Variants in TMPRSS4 observed in about 807,000 individuals in gnomAD.
TMPRSS4 encodes the protein transmembrane protease serine 4.
In TMPRSS4, 45 loss-of-function variants were observed where a neutral mutation model predicts 56.4. The ratio of observed to expected loss-of-function variants is 0.80; its 90% CI spans 0.63 to 1.02. The LOEUF (loss-of-function observed/expected upper bound fraction) is 1.02. Ranked by LOEUF, TMPRSS4 falls within the 50% of genes least tolerant of loss-of-function variation. The pLI is 0.00. For synonymous variants in TMPRSS4, 205 were observed against 211.0 expected, an observed-to-expected ratio of 0.97 and a Z score of 0.25; for missense variants, 546 against 556.7, an observed-to-expected ratio of 0.98 and a Z score of 0.19.
intron 1 of TMPRSS4, among the ~76,000 whole-genome samples, chr11:118,082,283 G>A (rs1297001599): frequency 1.3e-5 from 2 of 152,116 alleles, no homozygotes; most frequent in East Asian, 3.8e-4. Context: ...AGGCTCAGCC[G>A]GGTGTGGTGG....
Position 118,119,417 on chromosome 11 carries a change from T to C in TMPRSS4, c.*1504T>C. The C allele has an allele frequency of 1.1e-6, 1 of 933,624 alleles. No homozygotes were observed. Among genetic ancestry groups the C allele is most frequent in the Non-Finnish European group, 1.3e-6 (1 of 782,964 alleles). 57.8% of individuals were successfully genotyped at this position (933,624 alleles called of 1,614,324 possible). ...AGGATTCCCAAAGATCCTCCAAATA[T>C]GAGCTCACAATCAAAGATCAGAGAC... On this transcript the variant is annotated 3_prime_UTR_variant, in exon 13 of 13. Transcript: ENST00000437212.
At chr11:118,090,839 C>A (rs1162220214) in intron 1 of TMPRSS4, among the ~76,000 whole-genome samples, 1 of 151,908 alleles carries the variant, frequency 6.6e-6, no homozygotes, top group Non-Finnish European at 1.5e-5. Context: ...CACACACACA[C>A]ACACACACAA....
At position 118,120,674 on chromosome 11, in the gene TMPRSS4, G is replaced by C. The variant is rs1274160570; in HGVS notation, c.*2761G>C. 1.3e-5 allele frequency: 2 copies of C among 152,130 alleles called. No individual in the cohort carries two copies. The highest frequency in any genetic ancestry group is 2.9e-5 in the Non-Finnish European group (2 of 68,036). The allele number at this position is 152,130 out of a possible 1,614,324, so 9.4% of individuals were successfully genotyped here. A position where few individuals can be genotyped will look rare whatever the true frequency, so the allele number is the denominator to read the frequency against. On this transcript the variant is annotated 3_prime_UTR_variant, in exon 13 of 13. Coordinates refer to ENST00000437212, the MANE Select transcript of TMPRSS4 (RefSeq NM_019894.4). ...GGAAGATAAATTGAAGAAGTGACTA[G>C]GCTTAACAGCAGAGAGAGATAAGGA...
Position 118,107,796 on chromosome 11 carries a change from G to A in TMPRSS4, c.463G>A (p.Glu155Lys). 1.2e-6 allele frequency: 2 copies of A among 1,614,136 alleles called. No homozygotes were observed. The highest frequency in any genetic ancestry group is 1.3e-5 in the African/African-American group (1 of 75,046). The change falls in exon 6 of 13, where the codon GAG becomes AAG. Residue 155 changes from glutamate (E) to lysine (K), a missense_variant. Glu to Lys is a moderately conservative substitution (Grantham distance 56). Transcript: ENST00000437212. ...YSSKPTFRAV[E>K]IGPDQDLDVV... ...CAGCAAACCCACTTTCAGAGCTGTG[G>A]AGATTGGCCCAGACCAGGATCTGGA...
intron 3 of TMPRSS4, 127 bp from the exon 4 acceptor site, chr11:118,102,974 C>G: frequency 7.6e-7 from 1 of 1,323,292 alleles, no homozygotes; most frequent in Non-Finnish European, 1.0e-6. Context: ...TACCAAGTAG[C>G]AAAACTGAGC....
intron 7 of TMPRSS4, among the ~76,000 whole-genome samples, chr11:118,109,522 T>C (rs572487864): frequency 6.6e-6 from 1 of 152,310 alleles, no homozygotes; most frequent in African/African-American, 2.4e-5. Context: ...GTCCTGTTCA[T>C]TTCCAGTGTG....
chr11:118,090,821 A>AAC (rs375243175), intron 1 of TMPRSS4, among the ~76,000 whole-genome samples: 16,114 of 140,292 alleles, frequency 0.11, 977 homozygotes, highest in East Asian at 0.21. Flanking sequence ...CACACACACA[A>AAC]ACACACACAC....
At chr11:118,087,001 C>T (rs1404411057) in intron 1 of TMPRSS4, 1 of 152,338 alleles carries the variant, frequency 6.6e-6, no homozygotes, top group Non-Finnish European at 1.5e-5. Flanking sequence ...TCCCCACCCC[C>T]TCCCTTGGGT....
intron 2 of TMPRSS4, 75 bp downstream of exon 2, chr11:118,094,930 C>A (rs1406403153): frequency 1.3e-6 from 2 of 1,522,652 alleles, no homozygotes; most frequent in Non-Finnish European, 1.8e-6. Context: ...CTAAGCCACT[C>A]GCGCCTGGCC....
intron 10 of TMPRSS4, 30 bp from the exon 11 acceptor site, chr11:118,115,108 A>G: frequency 6.2e-7 from 1 of 1,602,204 alleles, no homozygotes; most frequent in Non-Finnish European, 8.5e-7. Flanking sequence ...GAAGGCAAGG[A>G]TGGGAATGTG....
In TMPRSS4 at chr11:118,118,387, G is replaced by A. The variant is rs994857024; in HGVS notation, c.*474G>A. ...CTGCCCTACTGTTGGTATGACTACC[G>A]TTACCTACTGTTGTCATTGTTATTA... is the stretch of plus-strand genomic sequence containing the variant. On this transcript the variant is annotated 3_prime_UTR_variant, in exon 13 of 13. Transcript: ENST00000437212. The A allele has an allele frequency of 2.0e-4, 202 of 1,000,336 alleles. No individual in the cohort carries two copies. Among genetic ancestry groups the A allele is most frequent in the Non-Finnish European group, 2.4e-4 (198 of 840,248 alleles). 62.0% of individuals were successfully genotyped at this position (1,000,336 alleles called of 1,614,324 possible).
At chr11:118,079,132 C>T (rs1944930102) in intron 1 of TMPRSS4, among the ~76,000 whole-genome samples, 1 of 152,096 alleles carries the variant, frequency 6.6e-6, no homozygotes. Context: ...AGCAGCATGG[C>T]CAATCTCCAC....
At position 118,094,434 on chromosome 11, in the gene TMPRSS4, TCC is replaced by T. The variant is rs570220801; in HGVS notation, c.4-381_4-380del. Among the ~76,000 whole-genome samples, 6 of 152,218 alleles carry T rather than the reference TCC, an allele frequency of 3.9e-5. No individual in the cohort carries two copies. The South Asian group carries it at 1.2e-3, about 32-fold the overall frequency. ...TGGTACTTATTGGCCAGTTGAGTAT[TCC>T]TTTTTGTAAGATGTCTATTCAGAGT... On this transcript the variant is annotated intron_variant, in intron 1 of 12. Coordinates refer to ENST00000437212, the MANE Select transcript of TMPRSS4 (RefSeq NM_019894.4).
intron 3 of TMPRSS4, chr11:118,102,842 G>T: frequency 2.1e-6 from 1 of 467,002 alleles, no homozygotes; most frequent in Non-Finnish European, 3.9e-6. Context: ...GCAGTTACCA[G>T]CCTGTTTCTC....
In TMPRSS4 at chr11:118,093,939, C is replaced by T. The variant is rs375723880; in HGVS notation, c.4-877C>T. Among the ~76,000 whole-genome samples the T allele has an allele frequency of 2.6e-5, 4 of 152,216 alleles. No individual in the cohort carries two copies. In the East Asian group the frequency reaches 5.8e-4, roughly 22 times the overall value. On this transcript the variant is annotated intron_variant, in intron 1 of 12. Coordinates refer to ENST00000437212, the MANE Select transcript of TMPRSS4 (RefSeq NM_019894.4). ...ATTTTCTTCCCTTCATCATTATGTC[C>T]ATGGAATTCATCCATGTCATTGCAC...
At position 118,111,863 on chromosome 11, in the gene TMPRSS4, G is replaced by A; in HGVS notation, c.706G>A (p.Asp236Asn). The A allele has an allele frequency of 1.2e-6, 2 of 1,609,706 alleles. No homozygotes were observed. Among genetic ancestry groups the A allele is most frequent in the South Asian group, 2.2e-5 (2 of 90,176 alleles). ...GCACGTCTGTGGAGGGAGCATCCTG[G>A]ACCCCCACTGGGTCCTCACGGCAGC... ...KQHVCGGSIL[D>N]PHWVLTAAHC... Residue 236 changes from aspartate to asparagine, a missense_variant, in exon 8 of 13, where the codon GAC (aspartate) becomes AAC (asparagine). Coordinates refer to ENST00000437212, the MANE Select transcript of TMPRSS4 (RefSeq NM_019894.4).
In TMPRSS4 at chr11:118,099,229, C is replaced by T. The variant is rs1489145458; in HGVS notation, c.157+131C>T. ...CTCACCCCCTCAGTAAGAGGCAGTC[C>T]CACCCCTGCCCTCACCCACTCAGTA... is the stretch of plus-strand genomic sequence containing the variant. On this transcript the variant is annotated intron_variant, in intron 3 of 12. Coordinates refer to ENST00000437212, the MANE Select transcript of TMPRSS4 (RefSeq NM_019894.4). The T allele has an allele frequency of 9.2e-6, 6 of 650,044 alleles. No individual in the cohort carries two copies. In the Admixed American group the frequency reaches 1.3e-4, roughly 14 times the overall value. The allele number at this position is 650,044 out of a possible 1,614,324, so 40.3% of individuals were successfully genotyped here.
chr11:118,110,344 C>CT (rs11320723), intron 7 of TMPRSS4, among the ~76,000 whole-genome samples: 5,265 of 146,586 alleles, frequency 0.036, 260 homozygotes, highest in African/African-American at 0.11. Context: ...TAGATTCTCT[C>CT]TTTTTTTTTT....
intron 1 of TMPRSS4, among the ~76,000 whole-genome samples, chr11:118,082,900 G>A (rs1179740747): frequency 6.6e-6 from 1 of 152,194 alleles, no homozygotes; most frequent in Non-Finnish European, 1.5e-5. Context: ...TCTTCTCGGC[G>A]AGTGGGTTCC....
Sources: gnomAD v4.1 joint callset for allele counts (sites outside exome capture counted in the v4.1 genomes callset) on GRCh38, gnomAD v4.1.1 for gene constraint, MANE v1.5 for transcripts, NCBI Gene and HGNC (gene_info 2026-07-23, HGNC 2026-07-21) for gene names.